ANXA4: variants seen among roughly 807,000 people sequenced by gnomAD.
ANXA4 encodes 35-beta calcimedin.
ANXA4 carries 39 observed loss-of-function variants against 49.8 expected under a neutral mutation model. That is an observed-to-expected ratio of 0.78 (90% confidence interval 0.61 to 1.02). The LOEUF (loss-of-function observed/expected upper bound fraction) is 1.02. ANXA4 is among the 50% of genes least tolerant of loss of function. The pLI is 0.00. For synonymous variants in ANXA4, 134 were observed against 152.5 expected, an observed-to-expected ratio of 0.88 and a Z score of 0.89; for missense variants, 360 against 410.1, an observed-to-expected ratio of 0.88 and a Z score of 1.05.
chr2:69,667,693 C>T (rs1676990001), intron 2 of ANXA4, among the ~76,000 whole-genome samples: 1 of 152,104 alleles, frequency 6.6e-6, no homozygotes, highest in South Asian at 2.1e-4. Flanking sequence ...TCTTTATTAT[C>T]AGTTATCTAT....
At chr2:69,804,159 A>AC (rs869141655) in intron 3 of ANXA4, among the ~76,000 whole-genome samples, 1 of 145,204 alleles carries the variant, frequency 6.9e-6, no homozygotes, top group African/African-American at 2.7e-5. Flanking sequence ...AAAAAAAAAA[A>AC]TATTCTAGAG....
In ANXA4 at chr2:69,758,219, G is replaced by A. The variant is rs551723044; in HGVS notation, c.-47+16044G>A. Among the ~76,000 whole-genome samples, 7 of 152,216 alleles carry A rather than the reference G, an allele frequency of 4.6e-5. No homozygotes were observed. The East Asian group carries it at 5.8e-4, about 13-fold the overall frequency. ...GTAGAGACAGGGTTTCACCATGTTC[G>A]CCAGGCTGGTCTTGAACTCCTGGCC... On this transcript the variant is annotated intron_variant, in intron 1 of 12. Transcript: ENST00000394295.
chr2:69,727,040 G>C (rs61553742), intron 3 of ANXA4, among the ~76,000 whole-genome samples: 32 of 152,118 alleles, frequency 2.1e-4, no homozygotes, highest in Middle Eastern at 3.4e-3. Context: ...GCACCACCAC[G>C]CACAGCTAAT....
intron 3 of ANXA4, among the ~76,000 whole-genome samples, chr2:69,796,015 G>T (rs1272589398): frequency 6.6e-6 from 1 of 152,112 alleles, no homozygotes; most frequent in Non-Finnish European, 1.5e-5. Flanking sequence ...TCAATTTCCA[G>T]AATCACCCGG....
At chr2:69,793,017 G>T (rs1425996103) in intron 3 of ANXA4, among the ~76,000 whole-genome samples, 1 of 151,238 alleles carries the variant, frequency 6.6e-6, no homozygotes, top group African/African-American at 2.4e-5. Flanking sequence ...ACTTTGGGAG[G>T]CCAAGGCGGG....
chr2:69,687,091 A>G (rs2105366590), intron 2 of ANXA4, among the ~76,000 whole-genome samples: 1 of 152,358 alleles, frequency 6.6e-6, no homozygotes. Context: ...CGGTGAGATG[A>G]GAGGGACAGG....
chr2:69,781,696 A>G (rs1247154580), intron 2 of ANXA4, 122 bp downstream of exon 2: 19 of 1,155,494 alleles, frequency 1.6e-5, no homozygotes, highest in Non-Finnish European at 2.0e-5. Flanking sequence ...GGAGGAGGAC[A>G]TGAAAAGGCA....
chr2:69,712,860 A>G (rs1678718731), intron 2 of ANXA4, among the ~76,000 whole-genome samples: 1 of 152,142 alleles, frequency 6.6e-6, no homozygotes, highest in Middle Eastern at 3.2e-3. Context: ...TCCTATCCAC[A>G]TTTTGTGCAC....
chr2:69,763,820 G>A (rs60876645), intron 1 of ANXA4, among the ~76,000 whole-genome samples: 3,370 of 151,806 alleles, frequency 0.022, 43 homozygotes, highest in East Asian at 0.078. Flanking sequence ...GCGCCACCAC[G>A]CCTGGCTAAT....
intron 1 of ANXA4, among the ~76,000 whole-genome samples, chr2:69,753,292 T>A (rs547438043): frequency 6.6e-6 from 1 of 152,204 alleles, no homozygotes; most frequent in Admixed American, 6.5e-5. Context: ...GAAAACCACT[T>A]GCATAAGAAT....
intron 1 of ANXA4, among the ~76,000 whole-genome samples, chr2:69,767,564 A>G (rs1160291381): frequency 6.6e-6 from 1 of 152,202 alleles, no homozygotes; most frequent in African/African-American, 2.4e-5. Context: ...CATATTACAG[A>G]GCCATGCCAC....
At chr2:69,723,006 A>G (rs1360190068) in intron 3 of ANXA4, among the ~76,000 whole-genome samples, 1 of 136,474 alleles carries the variant, frequency 7.3e-6, no homozygotes, top group African/African-American at 2.8e-5. Context: ...CTCCATCTCT[A>G]CTAAAAATAC....
chr2:69,738,553 C>G (rs139812521), upstream of ANXA4, among the ~76,000 whole-genome samples: 6,368 of 150,732 alleles, frequency 0.042, 436 homozygotes, highest in African/African-American at 0.14. Context: ...TAATCCCCTT[C>G]CCTTAAATCT....
intron 9 of ANXA4, 42 bp from the exon 10 acceptor site, chr2:69,818,557 T>C (rs779639470): frequency 7.3e-7 from 1 of 1,369,152 alleles, no homozygotes; most frequent in Admixed American, 2.0e-5. Flanking sequence ...TAGTTTCCTC[T>C]GTTTTTTCTT....
intron 2 of ANXA4, among the ~76,000 whole-genome samples, chr2:69,673,268 A>G (rs1439175265): frequency 1.3e-5 from 2 of 152,336 alleles, no homozygotes; most frequent in Admixed American, 1.3e-4. Context: ...ATGCCCATCA[A>G]TGATGGACTG....
At chr2:69,700,160 A>T (rs1194802206) in intron 2 of ANXA4, 1 of 152,262 alleles carries the variant, frequency 6.6e-6, no homozygotes, top group Non-Finnish European at 1.5e-5. Context: ...ATGGAAACAC[A>T]TCTTGTAAAC....
intron 2 of ANXA4, among the ~76,000 whole-genome samples, chr2:69,682,481 G>A (rs1677634966): frequency 6.6e-6 from 1 of 151,998 alleles, no homozygotes; most frequent in Non-Finnish European, 1.5e-5. Flanking sequence ...GTACCTCATT[G>A]TTTACATACA....
intron 2 of ANXA4, among the ~76,000 whole-genome samples, chr2:69,705,575 A>T (rs1333741833): frequency 6.6e-6 from 1 of 152,152 alleles, no homozygotes; most frequent in East Asian, 1.9e-4. Flanking sequence ...TAATCTAAAG[A>T]TTTTGTAGTT....
chr2:69,645,515 C>G lies in ANXA4; in HGVS notation n.481+610C>G, dbSNP rs1396796. ...CTCAGCACTTATTTGTCTTGACTGACTTTTTTAAACAAGCTGTGCTAGGTC... is the reference window on the plus strand; with the variant it reads ...CTCAGCACTTATTTGTCTTGACTGAGTTTTTTAAACAAGCTGTGCTAGGTC... On this transcript the variant is annotated intron_variant and non_coding_transcript_variant, in intron 1 of 3. Transcript: ENST00000418066. Among the ~76,000 whole-genome samples, 1,369 of 152,318 alleles carry G rather than the reference C, an allele frequency of 9.0e-3. 21 individuals are homozygous for G. The highest frequency in any genetic ancestry group is 0.032 in the African/African-American group (1,318 of 41,566).
Sources: gnomAD v4.1 joint callset for allele counts (sites outside exome capture counted in the v4.1 genomes callset) on GRCh38, gnomAD v4.1.1 for gene constraint, MANE v1.5 for transcripts, NCBI Gene and HGNC (gene_info 2026-07-23, HGNC 2026-07-21) for gene names.